The following TNFRSF19 variants were observed in gnomAD, a reference collection of about 807,000 sequenced individuals.
TNFRSF19 encodes the protein tumor necrosis factor receptor superfamily member 19.
TNFRSF19 carries 27 observed loss-of-function variants against 46.4 expected under a neutral mutation model. The observed-to-expected ratio is 0.58, with a 90% confidence interval of 0.43 to 0.80. TNFRSF19 has a LOEUF of 0.80. Among genes scored for constraint, TNFRSF19 ranks in the 30% least tolerant of loss-of-function variants. TNFRSF19 has a pLI of 0.00. For missense variants in TNFRSF19, 511 were observed against 530.8 expected, an observed-to-expected ratio of 0.96 and a Z score of 0.37; for synonymous variants, 204 against 205.0, an observed-to-expected ratio of 1.00 and a Z score of 0.04.
Position 23,615,947 on chromosome 13 carries a change from GA to G in TNFRSF19, c.264del (p.Lys88AsnfsTer11). 6.2e-7 allele frequency: 1 copy of G among 1,614,098 alleles called. No individual in the cohort carries two copies. The highest frequency in any genetic ancestry group is 8.5e-7 in the Non-Finnish European group (1 of 1,179,954). On this transcript the variant is annotated frameshift_variant, in exon 4 of 10. Coordinates refer to ENST00000248484, the MANE Select transcript of TNFRSF19 (RefSeq NM_148957.4). LOFTEE classifies it high-confidence loss of function. ...GGTTCAAGGAGGACTGGGGCTTCCA[GA>G]AATGCAAGCCCTGTCTGGACTGCGC... Reference protein sequence around the residue: ...HRFKEDWGFQKCKPCLDCAVV... With the variant: ...HRFKEDWGFQXCKPCLDCAVV...
chr13:23,604,790 C>A (rs999621880), intron 3 of TNFRSF19, among the ~76,000 whole-genome samples: 1 of 152,110 alleles, frequency 6.6e-6, no homozygotes, highest in Non-Finnish European at 1.5e-5. Flanking sequence ...AACAACTTGA[C>A]ATCCACATGC....
At chr13:23,594,297 A>G (rs1056933116) in intron 3 of TNFRSF19, 3 of 452,076 alleles carry the variant, frequency 6.6e-6, no homozygotes, top group Non-Finnish European at 1.3e-5. Flanking sequence ...AGGGAGACAA[A>G]TGGTCTAGCT....
chr13:23,618,486 C>T (rs769693605), intron 4 of TNFRSF19, among the ~76,000 whole-genome samples: 8 of 152,062 alleles, frequency 5.3e-5, no homozygotes, highest in South Asian at 4.1e-4. Context: ...AAAAACCAGA[C>T]GGTAACGGTG....
chr13:23,575,236 C>T (rs1593222618), intron 1 of TNFRSF19, among the ~76,000 whole-genome samples: 1 of 152,216 alleles, frequency 6.6e-6, no homozygotes. Flanking sequence ...CAATGAGGTA[C>T]TCAGGGCCAA....
intron 4 of TNFRSF19, among the ~76,000 whole-genome samples, chr13:23,618,136 G>A (rs376210228): frequency 6.6e-6 from 1 of 152,108 alleles, no homozygotes; most frequent in Non-Finnish European, 1.5e-5. Context: ...AAATAGCTCT[G>A]TTGGACTTTA....
intron 5 of TNFRSF19, among the ~76,000 whole-genome samples, chr13:23,628,407 A>G (rs1388829418): frequency 6.6e-6 from 1 of 152,212 alleles, no homozygotes; most frequent in Non-Finnish European, 1.5e-5. Flanking sequence ...CCAGTTTAAC[A>G]TGCAGTGACC....
rs551362299 is a variant in TNFRSF19 at position 23,659,272 on chromosome 13, T to G, written c.610+58T>G. The G allele has an allele frequency of 1.2e-5, 19 of 1,542,132 alleles. No individual in the cohort carries two copies. The East Asian group carries it at 3.6e-4, about 29-fold the overall frequency. On this transcript the variant is annotated intron_variant, in intron 6 of 9. Transcript: ENST00000248484. This position sits in a 1 kb window ranked among gnomAD's most constrained non-coding sequence, Gnocchi z 4.9. Reference sequence around the variant, plus strand: ...TTAGGGGAAGGGCATTTATTACTATTGTCGTGCAAGTGTTCCACAAGAGAC... The same window carrying G: ...TTAGGGGAAGGGCATTTATTACTATGGTCGTGCAAGTGTTCCACAAGAGAC...
chr13:23,585,909 T>C (rs989207996), intron 1 of TNFRSF19, among the ~76,000 whole-genome samples: 1 of 152,180 alleles, frequency 6.6e-6, no homozygotes, highest in African/African-American at 2.4e-5. Context: ...TGTCTAATTT[T>C]TCGAGAACAT....
At chr13:23,632,107 G>A (rs1882394696) in intron 5 of TNFRSF19, among the ~76,000 whole-genome samples, 1 of 152,140 alleles carries the variant, frequency 6.6e-6, no homozygotes, top group Admixed American at 6.5e-5. Context: ...GCCTCTGCAT[G>A]ATGAGCCCAC....
intron 5 of TNFRSF19, among the ~76,000 whole-genome samples, chr13:23,628,910 C>T (rs1223809872): frequency 6.6e-6 from 1 of 152,116 alleles, no homozygotes; most frequent in Admixed American, 6.5e-5. Flanking sequence ...CAAAGCAAGA[C>T]AGGCTGGTAG....
intron 3 of TNFRSF19, among the ~76,000 whole-genome samples, chr13:23,615,087 TGTC>T (rs1304638757): frequency 2.6e-5 from 4 of 152,336 alleles, no homozygotes; most frequent in Admixed American, 2.0e-4. Flanking sequence ...TTTTTAAAAT[TGTC>T]GTGAACACAG....
At chr13:23,575,170 G>C (rs968697269) in intron 1 of TNFRSF19, among the ~76,000 whole-genome samples, 9 of 152,216 alleles carry the variant, frequency 5.9e-5, no homozygotes, top group African/African-American at 4.8e-5. Context: ...AGGAAGGAGA[G>C]AAGGAGAGTC....
intron 3 of TNFRSF19, among the ~76,000 whole-genome samples, chr13:23,615,036 T>C (rs748265097): frequency 2.0e-5 from 3 of 152,216 alleles, no homozygotes; most frequent in Non-Finnish European, 4.4e-5. Flanking sequence ...AATGTTTTTG[T>C]AAACAATGGA....
At chr13:23,671,119 A>G (rs1250289019) in intron 9 of TNFRSF19, among the ~76,000 whole-genome samples, 1 of 152,168 alleles carries the variant, frequency 6.6e-6, no homozygotes, top group African/African-American at 2.4e-5. Flanking sequence ...CTGTATGAAC[A>G]TGATATTTTA....
At chr13:23,626,187 CTGTGTGTGTGTGTGTG>C (rs35509472) in intron 4 of TNFRSF19, among the ~76,000 whole-genome samples, 3 of 145,468 alleles carry the variant, frequency 2.1e-5, no homozygotes, top group Non-Finnish European at 4.5e-5. Flanking sequence ...TCTTTAAAAT[CTGTGTGTGTGTGTGTG>C]TGTGTGTGTG....
intron 5 of TNFRSF19, among the ~76,000 whole-genome samples, chr13:23,634,477 A>G (rs766586716): frequency 3.3e-5 from 5 of 152,186 alleles, no homozygotes; most frequent in Non-Finnish European, 7.3e-5. Context: ...AATGTTTTTC[A>G]GATTAAGTAC....
At chr13:23,668,651 T>C in intron 8 of TNFRSF19, 41 bp from the exon 9 acceptor site, 2 of 1,560,350 alleles carry the variant, frequency 1.3e-6, no homozygotes, top group Non-Finnish European at 1.7e-6. Flanking sequence ...AGTGTTTTTC[T>C]CCCCATCAAA....
chr13:23,612,044 A>G (rs1222298875), intron 3 of TNFRSF19, among the ~76,000 whole-genome samples: 1 of 152,170 alleles, frequency 6.6e-6, no homozygotes, highest in Non-Finnish European at 1.5e-5. Flanking sequence ...GTTAAGGAGC[A>G]GGGATGGGAA....
chr13:23,583,871 A>G (rs920940682), intron 1 of TNFRSF19, among the ~76,000 whole-genome samples: 3 of 152,182 alleles, frequency 2.0e-5, no homozygotes, highest in Non-Finnish European at 4.4e-5. Flanking sequence ...TTCCATTTGC[A>G]TTTCAGGGTA....
Sources: allele counts gnomAD v4.1 joint callset (sites outside exome capture counted in the v4.1 genomes callset), GRCh38; gene constraint gnomAD v4.1.1; non-coding constraint Gnocchi (gnomAD v3.1); transcripts MANE v1.5; gene names NCBI Gene and HGNC (gene_info 2026-07-23, HGNC 2026-07-21).